RYR2: variants seen among roughly 807,000 people sequenced by gnomAD.
The protein encoded by RYR2 is cardiac muscle ryanodine receptor-calcium release channel.
RYR2 carries 227 observed loss-of-function variants against 601.1 expected under a neutral mutation model. The observed-to-expected ratio is 0.38, with a 90% CI of 0.34 to 0.42. The LOEUF (loss-of-function observed/expected upper bound fraction) is 0.42, where lower values mean the gene tolerates loss of function less well. RYR2 is among the 10% of genes least tolerant of loss of function. The probability of loss-of-function intolerance (pLI) is 1.00; values close to 1 mark genes in which losing one functional copy is unlikely to be tolerated. For missense variants in RYR2, 4,646 were observed against 6,156.5 expected (o/e 0.75, Z 8.21); for synonymous variants, 2,223 against 2,175.1 (o/e 1.02, Z -0.61).
intron 1 of RYR2, among the ~76,000 whole-genome samples, chr1:237,244,422 C>A (rs1432904166): frequency 6.6e-6 from 1 of 152,044 alleles, no homozygotes; most frequent in Non-Finnish European, 1.5e-5. Context: ...GCTCCATCTG[C>A]CCTTCTCTCT....
intron 1 of RYR2, among the ~76,000 whole-genome samples, chr1:237,265,988 A>C (rs552619621): frequency 6.6e-6 from 1 of 152,218 alleles, no homozygotes; most frequent in Non-Finnish European, 1.5e-5. Flanking sequence ...TTGTATAAAG[A>C]AAGATCAATA....
intron 63 of RYR2, among the ~76,000 whole-genome samples, chr1:237,695,701 C>G (rs565231182): frequency 6.6e-6 from 1 of 152,208 alleles, no homozygotes; most frequent in Non-Finnish European, 1.5e-5. Context: ...CATGCTTTAC[C>G]TCTTCAAGAC....
chr1:237,643,315 T>A lies in RYR2; in HGVS notation c.7222-12T>A. 2 of 1,607,450 alleles carry A rather than the reference T, an allele frequency of 1.2e-6. No homozygotes were observed. Among genetic ancestry groups the A allele is most frequent in the South Asian group, 2.2e-5 (2 of 89,656 alleles). On this transcript the variant is annotated splice_polypyrimidine_tract_variant and intron_variant, in intron 47 of 104. Coordinates refer to ENST00000366574, the MANE Select transcript of RYR2 (RefSeq NM_001035.3). The stretch of plus-strand genomic sequence containing the variant: ...ACAAAGTTGTTCTAATGTTTTTTTT[T>A]CCCCTGTATAGTTGATTCATGCCGG...
chr1:237,743,953 G>C (rs750158985), intron 80 of RYR2, among the ~76,000 whole-genome samples: 1 of 152,102 alleles, frequency 6.6e-6, no homozygotes, highest in Non-Finnish European at 1.5e-5. Flanking sequence ...GCAATGTTCT[G>C]ACCTTATCCC....
intron 1 of RYR2, among the ~76,000 whole-genome samples, chr1:237,240,665 C>CAAAAAAAAAAAAAAAAAAAAAA (rs35984919): frequency 1.8e-5 from 1 of 55,146 alleles, no homozygotes; most frequent in Non-Finnish European, 3.3e-5. Flanking sequence ...CTATAAAAGC[C>CAAAAAAAAAAAAAAAAAAAAAA]AAAAAAAAAA....
intron 4 of RYR2, among the ~76,000 whole-genome samples, chr1:237,363,742 AAAG>A (rs1376887112): frequency 1.3e-5 from 2 of 152,168 alleles, no homozygotes; most frequent in Admixed American, 1.3e-4. Flanking sequence ...GTAGAAGAAA[AAAG>A]AGCTATTATA....
At chr1:237,311,146 C>T (rs1057490422) in intron 2 of RYR2, among the ~76,000 whole-genome samples, 1 of 152,068 alleles carries the variant, frequency 6.6e-6, no homozygotes, top group Non-Finnish European at 1.5e-5. Context: ...AAATAGTTGG[C>T]TTTAAGAGTT....
intron 66 of RYR2, among the ~76,000 whole-genome samples, chr1:237,703,283 CT>C (rs137966699): frequency 0.017 from 2,597 of 151,654 alleles, 67 homozygotes; most frequent in African/African-American, 0.059. Context: ...CTCAGATTAT[CT>C]TTTTTTTCTT....
intron 1 of RYR2, 99 bp downstream of exon 1, chr1:237,042,668 G>A: frequency 1.7e-6 from 2 of 1,173,780 alleles, no homozygotes; most frequent in Non-Finnish European, 2.2e-6. Context: ...GGGGACTCGC[G>A]GGCGGGGCGA....
At chr1:237,813,403 A>T (rs906975508) in intron 100 of RYR2, among the ~76,000 whole-genome samples, 7 of 152,240 alleles carry the variant, frequency 4.6e-5, no homozygotes, top group Non-Finnish European at 8.8e-5. Flanking sequence ...AGATAATGGC[A>T]TTCAGTGACC....
At chr1:237,170,923 C>A (rs1211801770) in intron 1 of RYR2, among the ~76,000 whole-genome samples, 1 of 151,994 alleles carries the variant, frequency 6.6e-6, no homozygotes, top group Admixed American at 6.6e-5. Flanking sequence ...CTGAGTAGTT[C>A]TAGTTCCTGG....
At chr1:237,348,696 G>A (rs1307244850) in intron 3 of RYR2, among the ~76,000 whole-genome samples, 3 of 152,126 alleles carry the variant, frequency 2.0e-5, no homozygotes, top group South Asian at 2.1e-4. Flanking sequence ...GCAGTCAAAC[G>A]TGTTATTAGG....
In RYR2 at chr1:237,617,452, A is replaced by C. The variant is rs772508255; in HGVS notation, c.5882A>C (p.Lys1961Thr). Residue 1961 changes from lysine (K) to threonine (T), a missense_variant, in exon 38 of 105, where the codon AAG becomes ACG. Lys to Thr is a moderately conservative substitution (Grantham distance 78). This residue lies in a region of RYR2 where 7 missense variants were observed against 26.9 expected (regional missense o/e 0.26). Transcript: ENST00000366574. ...LNMSAALTAR[K>T]TKEFRSPPQE... is the part of the protein sequence containing the mutation. ...ATGTCAGCTGCACTCACAGCCAGGA[A>C]GACAAAGGAATTTAGATCACCACCT... 6.2e-7 allele frequency: 1 copy of C among 1,613,944 alleles called. No individual in the cohort carries two copies. The highest frequency in any genetic ancestry group is 1.1e-5 in the South Asian group (1 of 91,062).
intron 34 of RYR2, among the ~76,000 whole-genome samples, chr1:237,595,863 C>T (rs556782907): frequency 2.0e-5 from 3 of 152,218 alleles, no homozygotes; most frequent in African/African-American, 7.2e-5. Context: ...AGAAACAGGT[C>T]TCACCCCAAC....
intron 2 of RYR2, among the ~76,000 whole-genome samples, chr1:237,284,477 C>CAT (rs200260578): frequency 0.46 from 63,547 of 139,542 alleles, 16,281 homozygotes; most frequent in East Asian, 0.77. Context: ...ACTATATATA[C>CAT]ATATATATAA....
intron 81 of RYR2, 107 bp from the exon 82 acceptor site, chr1:237,757,590 G>GC: frequency 2.8e-6 from 2 of 722,788 alleles, no homozygotes; most frequent in Admixed American, 2.0e-5. Context: ...TAAACAGATT[G>GC]CCTGGGGGGG....
intron 1 of RYR2, among the ~76,000 whole-genome samples, chr1:237,219,756 C>T (rs1213352019): frequency 6.6e-6 from 1 of 152,162 alleles, no homozygotes; most frequent in African/African-American, 2.4e-5. Context: ...GAGATAGCTA[C>T]TGAAATCCAG....
In RYR2 at chr1:237,383,265, A is replaced by G. The variant is rs542401505; in HGVS notation, c.577-4016A>G. Among the ~76,000 whole-genome samples the G allele has an allele frequency of 3.3e-5, 5 of 152,186 alleles. No individual in the cohort carries two copies. In the South Asian group the frequency reaches 1.0e-3, roughly 32 times the overall value. On this transcript the variant is annotated intron_variant, in intron 8 of 104. Coordinates refer to ENST00000366574, the MANE Select transcript of RYR2 (RefSeq NM_001035.3). Reference sequence around the variant, plus strand: ...GTACTCCAGCTAAAGAACTCCTGGAAGGTGATTTATCGTGTCCCTTCCATT... The same window carrying G: ...GTACTCCAGCTAAAGAACTCCTGGAGGGTGATTTATCGTGTCCCTTCCATT...
intron 1 of RYR2, among the ~76,000 whole-genome samples, chr1:237,142,388 G>A (rs1673485430): frequency 6.6e-6 from 1 of 152,254 alleles, no homozygotes; most frequent in African/African-American, 2.4e-5. Context: ...AAGGCTGGAA[G>A]CTGGGGCTTT....
Sources: gnomAD v4.1 joint callset for allele counts (sites outside exome capture counted in the v4.1 genomes callset) on GRCh38, gnomAD v4.1.1 for gene constraint, gnomAD v4.1.1 regional missense constraint, MANE v1.5 for transcripts, NCBI Gene and HGNC (gene_info 2026-07-23, HGNC 2026-07-21) for gene names.